The following SDC1 variants were observed in gnomAD, a reference collection of about 807,000 sequenced individuals.
SDC1 encodes syndecan 1.
SDC1 carries 14 observed loss-of-function variants against 29.7 expected under a neutral mutation model. That is an observed-to-expected ratio of 0.47 (90% confidence interval 0.31 to 0.74). The LOEUF is 0.74. Among genes scored for constraint, SDC1 ranks in the 30% least tolerant of loss-of-function variants. The pLI is 0.05. For missense variants in SDC1, 406 were observed against 400.3 expected (o/e 1.01, Z -0.12); for synonymous variants, 204 against 175.5 (o/e 1.16, Z -1.29).
chr2:20,225,073 C>T lies in SDC1; in HGVS notation c.-206G>A, dbSNP rs1284867735. On this transcript the variant is annotated 5_prime_UTR_variant, in exon 1 of 5. Transcript: ENST00000254351. ...GGCTCGGATTCGGCCCGCACCTCTC[C>T]CGCCGAGCTCCGCCTTATAATAAAC... 1 of 478,380 alleles carries T rather than the reference C, an allele frequency of 2.1e-6. No individual in the cohort carries two copies. Among genetic ancestry groups the T allele is most frequent in the Non-Finnish European group, 3.1e-6 (1 of 320,424 alleles). The allele number at this position is 478,380 out of a possible 1,614,324, so 29.6% of individuals were successfully genotyped here. A position where few individuals can be genotyped will look rare whatever the true frequency, so the allele number is the denominator to read the frequency against.
intron 1 of SDC1, among the ~76,000 whole-genome samples, chr2:20,222,519 C>G (rs964630206): frequency 6.6e-6 from 1 of 152,180 alleles, no homozygotes; most frequent in African/African-American, 2.4e-5. Flanking sequence ...AGCTTCAAGC[C>G]AGAGTCTGAC....
chr2:20,202,672 G>T lies in SDC1; in HGVS notation c.*94C>A, dbSNP rs542505831. 482 of 1,261,908 alleles carry T rather than the reference G, an allele frequency of 3.8e-4. No homozygotes were observed. The highest frequency in any genetic ancestry group is 5.2e-4 in the Non-Finnish European group (467 of 903,108). The allele number at this position is 1,261,908 out of a possible 1,614,324, so 78.2% of individuals were successfully genotyped here. ...GGCTGGAATGCTGGGGAGGTGGCCT[G>T]GTGGCAGGGGAGGCCAGGGCCTGCA... is the stretch of plus-strand genomic sequence containing the variant. On this transcript the variant is annotated 3_prime_UTR_variant, in exon 5 of 5. Transcript: ENST00000254351.
rs1162437934 is a variant in SDC1, at chr2:20,205,329, C to T, written c.148+14G>A. ...TGCCGTCTTGGGTGGGGGGGGCCCC[C>T]ATGACAACCTCACCTGCACCTGAGC... On this transcript the variant is annotated intron_variant, in intron 2 of 4. Coordinates refer to ENST00000254351, the MANE Select transcript of SDC1 (RefSeq NM_002997.5). 5 of 1,611,830 alleles carry T rather than the reference C, an allele frequency of 3.1e-6. No individual in the cohort carries two copies. Among genetic ancestry groups the T allele is most frequent in the African/African-American group, 1.3e-5 (1 of 74,882 alleles).
chr2:20,212,563 TTCC>T (rs2148290474), intron 1 of SDC1, among the ~76,000 whole-genome samples: 2 of 152,296 alleles, frequency 1.3e-5, no homozygotes, highest in South Asian at 4.1e-4. Flanking sequence ...ACTGAAGCCA[TTCC>T]CAGGAGGAGG....
intron 1 of SDC1, among the ~76,000 whole-genome samples, chr2:20,209,931 C>A (rs1352324273): frequency 1.3e-5 from 2 of 152,240 alleles, no homozygotes; most frequent in African/African-American, 4.8e-5. Flanking sequence ...ATCTACCCCC[C>A]GCCATCAGCC....
intron 1 of SDC1, among the ~76,000 whole-genome samples, chr2:20,219,341 T>A (rs1292862891): frequency 2.0e-5 from 3 of 152,132 alleles, no homozygotes; most frequent in Non-Finnish European, 4.4e-5. Context: ...AAATGAAAGC[T>A]TCCTGAGGGC....
At chr2:20,223,149 C>A in intron 1 of SDC1, 1 of 826,902 alleles carries the variant, frequency 1.2e-6, no homozygotes. Flanking sequence ...ATTCACAGTT[C>A]AATAGGCACA....
rs1677945910 is a variant in SDC1, at chr2:20,224,984, CA to C, written c.-118del. 3 of 1,156,060 alleles carry C rather than the reference CA, an allele frequency of 2.6e-6. No individual in the cohort carries two copies. Among genetic ancestry groups the C allele is most frequent in the Non-Finnish European group, 3.2e-6 (3 of 935,206 alleles). The allele number at this position is 1,156,060 out of a possible 1,614,324, so 71.6% of individuals were successfully genotyped here. On this transcript the variant is annotated 5_prime_UTR_variant, in exon 1 of 5. Coordinates refer to ENST00000254351, the MANE Select transcript of SDC1 (RefSeq NM_002997.5). This position sits in a 1 kb window ranked among gnomAD's most constrained non-coding sequence, Gnocchi z 4.9. ...GCGCCTGCCCAGCGCGCCGCTGTCCCAGGCGAGGGCTGCAGGGTCCGCCGGC... is the reference window on the plus strand; with the variant it reads ...GCGCCTGCCCAGCGCGCCGCTGTCCCGGCGAGGGCTGCAGGGTCCGCCGGC...
chr2:20,203,290 A>G (rs2148278657), intron 3 of SDC1, 68 bp from the exon 4 acceptor site: 1 of 1,523,146 alleles, frequency 6.6e-7, no homozygotes, highest in Non-Finnish European at 8.9e-7. Flanking sequence ...GCTCCACTAC[A>G]AGACCCAGAA....
At chr2:20,218,283 C>T (rs73231458) in intron 1 of SDC1, among the ~76,000 whole-genome samples, 4,088 of 152,304 alleles carry the variant, frequency 0.027, 164 homozygotes, top group African/African-American at 0.093. Flanking sequence ...GAATAACTCC[C>T]ACAGATTTCC....
In SDC1 at chr2:20,200,951, C is replaced by T. The variant is rs1460443898; in HGVS notation, c.*1815G>A. On this transcript the variant is annotated 3_prime_UTR_variant, in exon 5 of 5. Transcript: ENST00000254351. ...CAGTCATACACTCCAGGCAGAAAGT[C>T]GCAGTATCGAATACCGGACACAGGT... is the stretch of plus-strand genomic sequence containing the variant. The T allele has an allele frequency of 1.3e-5, 2 of 152,240 alleles. No homozygotes were observed. The highest frequency in any genetic ancestry group is 2.9e-5 in the Non-Finnish European group (2 of 68,062). 9.4% of individuals were successfully genotyped at this position (152,240 alleles called of 1,614,324 possible). A position where few individuals can be genotyped will look rare whatever the true frequency, so the allele number is the denominator to read the frequency against.
chr2:20,224,062 G>T lies in SDC1; in HGVS notation c.66+740C>A. 1 of 280,614 alleles carries T rather than the reference G, an allele frequency of 3.6e-6. No individual in the cohort carries two copies. Among genetic ancestry groups the T allele is most frequent in the Non-Finnish European group, 7.4e-6 (1 of 135,178 alleles). 17.4% of individuals were successfully genotyped at this position (280,614 alleles called of 1,614,324 possible). On this transcript the variant is annotated intron_variant, in intron 1 of 4. Coordinates refer to ENST00000254351, the MANE Select transcript of SDC1 (RefSeq NM_002997.5). The surrounding 1 kb of genome is among the most constrained non-coding windows in gnomAD (Gnocchi z 4.9). ...TGGAAGGCGCCTGCGCCTCGGCCGT[G>T]CCCGGCACGGGAACGCGCCCTCCGG...
At chr2:20,213,872 G>A (rs762294607) in intron 1 of SDC1, among the ~76,000 whole-genome samples, 12 of 152,204 alleles carry the variant, frequency 7.9e-5, no homozygotes, top group Non-Finnish European at 1.5e-4. Flanking sequence ...GCCGGCCAGG[G>A]CTCCAGCTGT....
At position 20,204,068 on chromosome 2, in the gene SDC1, T is replaced by C; in HGVS notation, c.372A>G (p.Arg124=). 2 of 1,610,872 alleles carry C rather than the reference T, an allele frequency of 1.2e-6. No individual in the cohort carries two copies. Among genetic ancestry groups the C allele is most frequent in the Non-Finnish European group, 1.7e-6 (2 of 1,179,376 alleles). The change falls in exon 3 of 5, where the codon CGA becomes CGG. Residue 124 remains arginine, a synonymous_variant. Transcript: ENST00000254351. ...TCGGGAGCTGTGTGGTCTCCCTGGG[T>C]CGGGGGGTGGCCTCCTGCTCCCGGG... The part of the protein sequence containing the change: ...LTAREQEATP[R]PRETTQLPTT...
At chr2:20,210,612 G>A (rs1016330481) in intron 1 of SDC1, among the ~76,000 whole-genome samples, 25 of 152,320 alleles carry the variant, frequency 1.6e-4, no homozygotes, top group Admixed American at 1.2e-3. Context: ...TACCTGCCCC[G>A]TGTGGCCACG....
intron 3 of SDC1, 64 bp from the exon 4 acceptor site, chr2:20,203,286 C>T: frequency 6.5e-7 from 1 of 1,536,162 alleles, no homozygotes; most frequent in South Asian, 1.2e-5. Flanking sequence ...ACCAGCTCCA[C>T]TACAAGACCC....
intron 1 of SDC1, among the ~76,000 whole-genome samples, chr2:20,219,280 G>A (rs1375226196): frequency 1.3e-5 from 2 of 152,090 alleles, no homozygotes; most frequent in African/African-American, 4.8e-5. Flanking sequence ...AGCTGACCCG[G>A]TGCACCTGTC....
In SDC1 at chr2:20,225,025, T is replaced by C; in HGVS notation, c.-158A>G. ...GGTCCGCCGGCTGGAGTCCGCTCTC[T>C]ACTGCCGGATTCCTCTCCGCTCGGC... On this transcript the variant is annotated 5_prime_UTR_variant, in exon 1 of 5. Coordinates refer to ENST00000254351, the MANE Select transcript of SDC1 (RefSeq NM_002997.5). 1 of 890,576 alleles carries C rather than the reference T, an allele frequency of 1.1e-6. No homozygotes were observed. Among genetic ancestry groups the C allele is most frequent in the Non-Finnish European group, 1.4e-6 (1 of 695,046 alleles). 55.2% of individuals were successfully genotyped at this position (890,576 alleles called of 1,614,324 possible). A position where few individuals can be genotyped will look rare whatever the true frequency, so the allele number is the denominator to read the frequency against.
At chr2:20,218,977 C>T (rs571941475) in intron 1 of SDC1, among the ~76,000 whole-genome samples, 1 of 152,284 alleles carries the variant, frequency 6.6e-6, no homozygotes, top group East Asian at 1.9e-4. Context: ...GCCAGGAGGT[C>T]AGAGACCCTT....
Sources: allele counts gnomAD v4.1 joint callset (sites outside exome capture counted in the v4.1 genomes callset), GRCh38; gene constraint gnomAD v4.1.1; non-coding constraint Gnocchi (gnomAD v3.1); transcripts MANE v1.5; gene names NCBI Gene and HGNC (gene_info 2026-07-23, HGNC 2026-07-21).